SIRPD: variants seen among roughly 807,000 people sequenced by gnomAD.
SIRPD encodes the protein signal-regulatory protein delta.
Under a neutral mutation model 18.0 loss-of-function variants are expected in SIRPD, and 21 were observed. The ratio of observed to expected loss-of-function variants is 1.17; its 90% CI spans 0.83 to 1.68. The LOEUF (loss-of-function observed/expected upper bound fraction) is 1.68. SIRPD is among the 40% of genes most tolerant of loss of function. SIRPD has a pLI of 0.00. For missense variants in SIRPD, 295 were observed against 238.4 expected, an observed-to-expected ratio of 1.24 and a Z score of -1.56; for synonymous variants, 106 against 92.9, an observed-to-expected ratio of 1.14 and a Z score of -0.81.
Position 1,551,799 on chromosome 20 carries a change from G to A in SIRPD, c.313C>T (p.Arg105Cys), listed in dbSNP as rs145107651. Residue 105 changes from arginine to cysteine, a missense_variant, in exon 2 of 4, where the codon CGT becomes TGT. Arg to Cys is a radical substitution (Grantham distance 180, BLOSUM62 -3). Transcript: ENST00000381623. ...CCAGCATCAGCAAGAGAGATTTCAC[G>A]GATGCGGGTGGAAAAGTCTGTGTTG... is the stretch of plus-strand genomic sequence containing the variant. ...PGNTDFSTRIREISLADAGTY... is the reference protein window; with the variant it reads ...PGNTDFSTRICEISLADAGTY... 21 of 1,613,926 alleles carry A rather than the reference G, an allele frequency of 1.3e-5. No homozygotes were observed. The highest frequency in any genetic ancestry group is 2.2e-5 in the East Asian group (1 of 44,886).
chr20:1,546,407 G>A (rs1352787564), intron 2 of SIRPD, among the ~76,000 whole-genome samples: 1 of 152,184 alleles, frequency 6.6e-6, no homozygotes, highest in African/African-American at 2.4e-5. Context: ...CCATGTTGCT[G>A]CATGTCTTAG....
rs377193125 is a variant in SIRPD, at chr20:1,557,698, A to G, written c.-45T>C. On this transcript the variant is annotated 5_prime_UTR_variant, in exon 1 of 4. Coordinates refer to ENST00000381623, the MANE Select transcript of SIRPD (RefSeq NM_178460.3). Reference sequence around the variant, plus strand: ...TGCTCTGCCTGAATGCCTGTCCTGGAGATGCCCTCGACTCAGTGCTCCGAG... The same window carrying G: ...TGCTCTGCCTGAATGCCTGTCCTGGGGATGCCCTCGACTCAGTGCTCCGAG... 1.2e-5 allele frequency: 19 copies of G among 1,590,058 alleles called. No homozygotes were observed. In the African/African-American group the frequency reaches 2.2e-4, roughly 18 times the overall value.
intron 2 of SIRPD, among the ~76,000 whole-genome samples, chr20:1,546,695 AT>A (rs1459318328): frequency 5.9e-5 from 9 of 152,210 alleles, no homozygotes; most frequent in African/African-American, 2.2e-4. Flanking sequence ...ACCATTTTGC[AT>A]TTCCACCTGC....
At chr20:1,554,084 A>G (rs986794687) in intron 1 of SIRPD, 3 of 152,602 alleles carry the variant, frequency 2.0e-5, no homozygotes, top group African/African-American at 7.2e-5. Flanking sequence ...AGTTTGATCA[A>G]CCATTGTGTT....
intron 2 of SIRPD, among the ~76,000 whole-genome samples, chr20:1,544,996 A>G (rs1414242310): frequency 6.6e-6 from 1 of 152,108 alleles, no homozygotes; most frequent in Non-Finnish European, 1.5e-5. Flanking sequence ...TGTTAGTCTG[A>G]TGGGCTTCTC....
chr20:1,548,217 C>T (rs769618885), intron 2 of SIRPD, among the ~76,000 whole-genome samples: 2 of 152,114 alleles, frequency 1.3e-5, no homozygotes, highest in African/African-American at 4.8e-5. Flanking sequence ...TTCGGTTTTG[C>T]TAAATATGAT....
chr20:1,557,581 C>T lies in SIRPD; in HGVS notation c.73G>A (p.Gly25Arg), dbSNP rs150515110. 17 of 1,569,186 alleles carry T rather than the reference C, an allele frequency of 1.1e-5. No homozygotes were observed. The African/African-American group carries it at 1.5e-4, about 14-fold the overall frequency. Residue 25 changes from glycine to arginine, a missense_variant and splice_region_variant, in exon 1 of 4, where the codon GGA becomes AGA. Transcript: ENST00000381623. ...ACACATACACTGAGGCCCCACTCAC[C>T]TGCCAGTTCAAGCAGCAGATACAGC... ...LLLYLLLELAGVTHVFHVQQT... is the reference protein window; with the variant it reads ...LLLYLLLELARVTHVFHVQQT...
At chr20:1,547,334 C>T (rs1440175547) in intron 2 of SIRPD, among the ~76,000 whole-genome samples, 1 of 152,216 alleles carries the variant, frequency 6.6e-6, no homozygotes. Flanking sequence ...TTTCTGGACT[C>T]TCTCTTTTCC....
At chr20:1,543,985 T>C (rs1362391776) in intron 2 of SIRPD, among the ~76,000 whole-genome samples, 2 of 151,908 alleles carry the variant, frequency 1.3e-5, no homozygotes, top group Admixed American at 6.6e-5. Flanking sequence ...GAGACTGTTA[T>C]GATTTCCATT....
rs142866344 is a variant in SIRPD, at chr20:1,536,164, GC to G, written c.577+990del. ...GTGGGCTCATATTTGCACTTATTAA[GC>G]CCTAAAAGGCTGTAACAACCAGAGC... On this transcript the variant is annotated intron_variant, in intron 3 of 3. Coordinates refer to ENST00000381623, the MANE Select transcript of SIRPD (RefSeq NM_178460.3). 8.7e-4 allele frequency among the ~76,000 whole-genome samples: 132 copies of G among 152,302 alleles called. 1 individual carries two copies. The highest frequency in any genetic ancestry group is 6.8e-3 in the Middle Eastern group (2 of 294).
intron 2 of SIRPD, among the ~76,000 whole-genome samples, chr20:1,537,943 A>T (rs1453436386): frequency 6.6e-6 from 1 of 152,116 alleles, no homozygotes; most frequent in African/African-American, 2.4e-5. Flanking sequence ...GCAGAAACGC[A>T]GCTGGGAGGA....
chr20:1,557,002 G>C (rs2249962), intron 1 of SIRPD, among the ~76,000 whole-genome samples: 130,718 of 152,242 alleles, frequency 0.86, 56,381 homozygotes, highest in Middle Eastern at 0.96. Flanking sequence ...CCTATAATGC[G>C]AGCACTTTGG....
rs1472574518 is a variant in SIRPD at position 1,556,084 on chromosome 20, C to T, written c.73+1497G>A. On this transcript the variant is annotated intron_variant, in intron 1 of 3. Transcript: ENST00000381623. ...AACATGGCTCCTTGCTTCTTTAAGG[C>T]CAGAAGTTGCAAAAAAACTCTAGTG... Among the ~76,000 whole-genome samples the T allele has an allele frequency of 2.0e-5, 3 of 152,242 alleles. No homozygotes were observed. The East Asian group carries it at 5.8e-4, about 29-fold the overall frequency.
intron 1 of SIRPD, chr20:1,554,458 G>A (rs547519992): frequency 6.6e-6 from 1 of 152,526 alleles, no homozygotes; most frequent in African/African-American, 2.4e-5. Context: ...GCCATGTGAG[G>A]TGAAGGGGAG....
At chr20:1,543,560 T>C (rs577540916) in intron 2 of SIRPD, among the ~76,000 whole-genome samples, 5 of 152,046 alleles carry the variant, frequency 3.3e-5, no homozygotes. Context: ...GTTAATGTTT[T>C]AAAAAAAACA....
intron 2 of SIRPD, among the ~76,000 whole-genome samples, chr20:1,542,698 G>A (rs1336448700): frequency 6.6e-6 from 1 of 152,090 alleles, no homozygotes; most frequent in Non-Finnish European, 1.5e-5. Flanking sequence ...GGTGAGAGAG[G>A]GCATTCTTGT....
chr20:1,535,336 C>T (rs1047112432), intron 3 of SIRPD, among the ~76,000 whole-genome samples: 1 of 152,130 alleles, frequency 6.6e-6, no homozygotes, highest in African/African-American at 2.4e-5. Context: ...TGCTTGATTG[C>T]TATAGTTTAA....
At position 1,536,391 on chromosome 20, in the gene SIRPD, C is replaced by T. The variant is rs913853794; in HGVS notation, c.577+764G>A. On this transcript the variant is annotated intron_variant, in intron 3 of 3. Transcript: ENST00000381623. ...CAAATGATGAAACTTGCATTTGAAC[C>T]CCGGCCTGTCGTTTTTTTTTTTTTT... Among the ~76,000 whole-genome samples the T allele has an allele frequency of 2.1e-4, 25 of 118,618 alleles. 1 individual carries two copies. The highest frequency in any genetic ancestry group is 1.7e-3 in the East Asian group (7 of 4,236). 77.8% of individuals were successfully genotyped at this position (118,618 alleles called of 152,430 possible).
intron 3 of SIRPD, among the ~76,000 whole-genome samples, chr20:1,536,055 T>C (rs1260990178): frequency 3.3e-5 from 5 of 152,192 alleles, no homozygotes; most frequent in African/African-American, 1.2e-4. Context: ...TTCCCATGAC[T>C]TCTGTGAGTT....
Sources: gnomAD v4.1 joint callset for allele counts (sites outside exome capture counted in the v4.1 genomes callset) on GRCh38, gnomAD v4.1.1 for gene constraint, MANE v1.5 for transcripts, NCBI Gene and HGNC (gene_info 2026-07-23, HGNC 2026-07-21) for gene names.